LRRC46: variants seen among roughly 807,000 people sequenced by gnomAD.
LRRC46 encodes the protein leucine-rich repeat-containing protein 46.
LRRC46 carries 20 observed loss-of-function variants against 28.0 expected under a neutral mutation model. That is an observed-to-expected ratio of 0.71 (90% CI 0.50 to 1.04). The LOEUF (loss-of-function observed/expected upper bound fraction) is 1.04. LRRC46 is among the 50% of genes least tolerant of loss of function. The pLI is 0.00. For synonymous variants in LRRC46, 156 were observed against 158.8 expected (o/e 0.98, Z 0.13); for missense variants, 315 against 390.1 (o/e 0.81, Z 1.62).
Position 47,836,036 on chromosome 17 carries a change from A to G in LRRC46, c.386A>G (p.Glu129Gly). ...ENLIETLKLD[E>G]FPQSLLILNL... ...CCTCTCTCTTTGCTGTGTGCAGATG[A>G]GTTCCCCCAGAGCCTTCTCATCCTC... Residue 129 changes from glutamate to glycine, a missense_variant, in exon 6 of 8, where the codon GAG (glutamate) becomes GGG (glycine). Coordinates refer to ENST00000269025, the MANE Select transcript of LRRC46 (RefSeq NM_033413.4). This position sits in a 1 kb window ranked among gnomAD's most constrained non-coding sequence, Gnocchi z 5.8. 1 of 1,614,158 alleles carries G rather than the reference A, an allele frequency of 6.2e-7. No homozygotes were observed. The highest frequency in any genetic ancestry group is 8.5e-7 in the Non-Finnish European group (1 of 1,180,008).
In LRRC46 at chr17:47,832,211, T is replaced by C; in HGVS notation, c.116+6T>C. On this transcript the variant is annotated splice_donor_region_variant and intron_variant, in intron 2 of 7. Coordinates refer to ENST00000269025, the MANE Select transcript of LRRC46 (RefSeq NM_033413.4). ...GGGGAACTGTCAGAGAAGATGTGAG[T>C]GCATGGGGGAGAAAAGGGGTGCTAG... is the stretch of plus-strand genomic sequence containing the variant. 1.9e-6 allele frequency: 3 copies of C among 1,566,356 alleles called. No individual in the cohort carries two copies. The highest frequency in any genetic ancestry group is 8.7e-7 in the Non-Finnish European group (1 of 1,153,698).
At chr17:47,834,152 AC>A in intron 2 of LRRC46, 3 of 1,098,734 alleles carry the variant, frequency 2.7e-6, no homozygotes, top group Non-Finnish European at 3.3e-6. Flanking sequence ...CTCTCCAGAA[AC>A]CATAAGCTGC....
intron 2 of LRRC46, 40 bp from the exon 3 acceptor site, chr17:47,834,385 A>G: frequency 7.1e-7 from 1 of 1,409,578 alleles, no homozygotes; most frequent in East Asian, 2.3e-5. Context: ...AGACCACATG[A>G]GTGGTGCTCT....
Position 47,836,508 on chromosome 17 carries a change from C to T in LRRC46, c.595+33C>T. The stretch of plus-strand genomic sequence containing the variant: ...TGCTTTCCAAGGTTTTCAGCCTCCC[C>T]AGAGCCCACCTCTGCCCTGTGGGAC... On this transcript the variant is annotated intron_variant, in intron 7 of 7. Transcript: ENST00000269025. The surrounding 1 kb of genome is among the most constrained non-coding windows in gnomAD (Gnocchi z 5.8). The T allele has an allele frequency of 6.2e-7, 1 of 1,609,658 alleles. No individual in the cohort carries two copies. The highest frequency in any genetic ancestry group is 8.5e-7 in the Non-Finnish European group (1 of 1,177,276).
Position 47,836,132 on chromosome 17 carries a change from A to G in LRRC46, c.452+30A>G. The G allele has an allele frequency of 6.2e-7, 1 of 1,612,078 alleles. No homozygotes were observed. The highest frequency in any genetic ancestry group is 8.5e-7 in the Non-Finnish European group (1 of 1,178,142). On this transcript the variant is annotated intron_variant, in intron 6 of 7. Transcript: ENST00000269025. The surrounding 1 kb of genome is among the most constrained non-coding windows in gnomAD (Gnocchi z 5.8). ...GGAGTGGAGGGTGGGAAGAAAGGTCATGGCTGAGCTCTACCTGCTAACTCA... is the reference window on the plus strand; with the variant it reads ...GGAGTGGAGGGTGGGAAGAAAGGTCGTGGCTGAGCTCTACCTGCTAACTCA...
Position 47,836,176 on chromosome 17 carries a change from C to T in LRRC46, c.452+74C>T, listed in dbSNP as rs1426658970. 3.8e-6 allele frequency: 6 copies of T among 1,588,742 alleles called. No individual in the cohort carries two copies. Among genetic ancestry groups the T allele is most frequent in the East Asian group, 2.2e-5 (1 of 44,728 alleles). ...TAACTCAGCCCAGACCCCTCTCAGC[C>T]TGCAAACCTGGGGTCCTGTCCATGA... On this transcript the variant is annotated intron_variant, in intron 6 of 7. Coordinates refer to ENST00000269025, the MANE Select transcript of LRRC46 (RefSeq NM_033413.4). This position sits in a 1 kb window ranked among gnomAD's most constrained non-coding sequence, Gnocchi z 5.8.
intron 2 of LRRC46, among the ~76,000 whole-genome samples, chr17:47,833,359 C>A (rs368515524): frequency 3.6e-4 from 55 of 151,356 alleles, no homozygotes; most frequent in African/African-American, 1.3e-3. Flanking sequence ...CTTCCTCTTC[C>A]TCCTTCTTTC....
rs2033711274 is a variant in LRRC46, at chr17:47,837,305, T to C, written c.*185T>C. ...AGCTCCAGGAAACAAAATACAGAGC[T>C]CAGTGAGCCACCTGATTCTAAAGAG... On this transcript the variant is annotated 3_prime_UTR_variant, in exon 8 of 8. Transcript: ENST00000269025. 2.7e-6 allele frequency: 2 copies of C among 741,712 alleles called. No individual in the cohort carries two copies. The highest frequency in any genetic ancestry group is 4.1e-6 in the Non-Finnish European group (2 of 489,370). The allele number at this position is 741,712 out of a possible 1,614,324, so 45.9% of individuals were successfully genotyped here.
At chr17:47,834,701 T>G (rs2033674488) in intron 3 of LRRC46, 168 bp downstream of exon 3, 1 of 536,210 alleles carries the variant, frequency 1.9e-6, no homozygotes, top group Non-Finnish European at 3.3e-6. Context: ...ATTGAAAAAC[T>G]AATTCCCTCA....
rs771172378 is a variant in LRRC46 at position 47,835,398 on chromosome 17, C to T, written c.271C>T (p.Arg91Cys). The change falls in exon 4 of 8, where the codon CGC becomes TGC. Residue 91 changes from arginine (R) to cysteine (C), a missense_variant and splice_region_variant. Transcript: ENST00000269025. Reference protein sequence around the residue: ...IENLACIPSLRFLSLAGNQIR... With the variant: ...IENLACIPSLCFLSLAGNQIR... Reference sequence around the variant, plus strand: ...GAACCTGGCTTGCATCCCCTCCTTGCGGTATGTGGTGCCAGGGCTCAGGCA... The same window carrying T: ...GAACCTGGCTTGCATCCCCTCCTTGTGGTATGTGGTGCCAGGGCTCAGGCA... 9.9e-6 allele frequency: 16 copies of T among 1,613,878 alleles called. No individual in the cohort carries two copies. The highest frequency in any genetic ancestry group is 9.3e-5 in the African/African-American group (7 of 74,910).
At chr17:47,833,998 T>C (rs995916634) in intron 2 of LRRC46, 35 of 987,094 alleles carry the variant, frequency 3.5e-5, no homozygotes, top group Non-Finnish European at 4.2e-5. Context: ...AATGAATGAA[T>C]GGGTGGATGG....
Position 47,837,663 on chromosome 17 carries a change from A to G in LRRC46, c.*543A>G. On this transcript the variant is annotated 3_prime_UTR_variant, in exon 8 of 8. Transcript: ENST00000269025. Reference sequence around the variant, plus strand: ...GGCCTCACTTGGCTCTCCCACCCCCACTGGTCCTGGGATAAAGTTCACTGA... The same window carrying G: ...GGCCTCACTTGGCTCTCCCACCCCCGCTGGTCCTGGGATAAAGTTCACTGA... 3 of 794,806 alleles carry G rather than the reference A, an allele frequency of 3.8e-6. No individual in the cohort carries two copies. Among genetic ancestry groups the G allele is most frequent in the Non-Finnish European group, 5.6e-6 (3 of 538,528 alleles). 49.2% of individuals were successfully genotyped at this position (794,806 alleles called of 1,614,324 possible). A position where few individuals can be genotyped will look rare whatever the true frequency, so the allele number is the denominator to read the frequency against.
In LRRC46 at chr17:47,831,942, C is replaced by T. The variant is rs2033638936; in HGVS notation, c.-48C>T. 1 of 1,612,460 alleles carries T rather than the reference C, an allele frequency of 6.2e-7. No homozygotes were observed. Among genetic ancestry groups the T allele is most frequent in the East Asian group, 2.2e-5 (1 of 44,884 alleles). On this transcript the variant is annotated 5_prime_UTR_variant, in exon 1 of 8. Coordinates refer to ENST00000269025, the MANE Select transcript of LRRC46 (RefSeq NM_033413.4). ...ATCCTTAGGGGCCGCCAAGACCTCT[C>T]TTTTCGTTCCTCTCCCGCCTCAGAC...
chr17:47,836,218 T>A lies in LRRC46; in HGVS notation c.453-115T>A. 1 of 1,576,006 alleles carries A rather than the reference T, an allele frequency of 6.3e-7. No homozygotes were observed. Among genetic ancestry groups the A allele is most frequent in the South Asian group, 1.1e-5 (1 of 89,008 alleles). Reference sequence around the variant, plus strand: ...TGTCCATGACACCTTCTCCCCCACCTCCTACCTAGCTCATGAGCCACCACC... The same window carrying A: ...TGTCCATGACACCTTCTCCCCCACCACCTACCTAGCTCATGAGCCACCACC... On this transcript the variant is annotated intron_variant, in intron 6 of 7. Coordinates refer to ENST00000269025, the MANE Select transcript of LRRC46 (RefSeq NM_033413.4). This position sits in a 1 kb window ranked among gnomAD's most constrained non-coding sequence, Gnocchi z 5.8.
At chr17:47,835,025 T>G (rs989636209) in intron 3 of LRRC46, 8 of 341,718 alleles carry the variant, frequency 2.3e-5, no homozygotes, top group African/African-American at 1.7e-4. Flanking sequence ...TCTCTGTGTA[T>G]GCAAGCCACC....
chr17:47,831,881 G>A lies in LRRC46; in HGVS notation c.-109G>A, dbSNP rs2033638007. 2.1e-6 allele frequency: 3 copies of A among 1,446,674 alleles called. No homozygotes were observed. Among genetic ancestry groups the A allele is most frequent in the Non-Finnish European group, 2.9e-6 (3 of 1,037,744 alleles). 89.6% of individuals were successfully genotyped at this position (1,446,674 alleles called of 1,614,324 possible). The stretch of plus-strand genomic sequence containing the variant: ...CCCTTTCCTCCTCTCCTAAGTCTCT[G>A]AGTTTCTCTCTCCTCCTGCCATCCT... On this transcript the variant is annotated 5_prime_UTR_variant, in exon 1 of 8. Transcript: ENST00000269025.
chr17:47,835,687 C>G lies in LRRC46; in HGVS notation c.294C>G (p.Asn98Lys). 3 of 1,614,172 alleles carry G rather than the reference C, an allele frequency of 1.9e-6. No individual in the cohort carries two copies. The highest frequency in any genetic ancestry group is 1.7e-6 in the Non-Finnish European group (2 of 1,180,008). The change falls in exon 5 of 8, where the codon AAC becomes AAG. Residue 98 changes from asparagine to lysine, a missense_variant. Coordinates refer to ENST00000269025, the MANE Select transcript of LRRC46 (RefSeq NM_033413.4). ...ACAGCTTCCTGTCTCTGGCAGGAAACCAAATCAGGCAGGTGGAAAACCTCC... is the reference window on the plus strand; with the variant it reads ...ACAGCTTCCTGTCTCTGGCAGGAAAGCAAATCAGGCAGGTGGAAAACCTCC... ...PSLRFLSLAG[N>K]QIRQVENLLD...
intron 2 of LRRC46, among the ~76,000 whole-genome samples, chr17:47,833,632 A>G (rs2033661732): frequency 6.6e-6 from 1 of 151,118 alleles, no homozygotes; most frequent in African/African-American, 2.4e-5. Context: ...TTGTATTTTT[A>G]GTAGAGATGG....
chr17:47,831,902 A>G lies in LRRC46; in HGVS notation c.-88A>G. On this transcript the variant is annotated 5_prime_UTR_variant, in exon 1 of 8. Transcript: ENST00000269025. Reference sequence around the variant, plus strand: ...CTCTGAGTTTCTCTCTCCTCCTGCCATCCTGAGTTCTGCCATCCTTAGGGG... The same window carrying G: ...CTCTGAGTTTCTCTCTCCTCCTGCCGTCCTGAGTTCTGCCATCCTTAGGGG... 3 of 1,563,034 alleles carry G rather than the reference A, an allele frequency of 1.9e-6. No individual in the cohort carries two copies. Among genetic ancestry groups the G allele is most frequent in the East Asian group, 2.2e-5 (1 of 44,638 alleles).
Sources: gnomAD v4.1 joint callset for allele counts (sites outside exome capture counted in the v4.1 genomes callset) on GRCh38, gnomAD v4.1.1 for gene constraint, Gnocchi (gnomAD v3.1) non-coding constraint, MANE v1.5 for transcripts, NCBI Gene and HGNC (gene_info 2026-07-23, HGNC 2026-07-21) for gene names.